CFAP77: variants seen among roughly 807,000 people sequenced by gnomAD.
CFAP77 encodes the protein cilia and flagella associated protein 77.
A neutral mutation model predicts 31.1 loss-of-function variants in CFAP77; 25 were observed. The observed-to-expected ratio is 0.80, with a 90% CI of 0.59 to 1.12. The LOEUF (loss-of-function observed/expected upper bound fraction) is 1.12, where lower values mean the gene tolerates loss of function less well. CFAP77 is among the 50% of genes most tolerant of loss of function. The pLI is 0.00. For synonymous variants in CFAP77, 151 were observed against 159.9 expected, an observed-to-expected ratio of 0.94 and a Z score of 0.42; for missense variants, 377 against 397.3, an observed-to-expected ratio of 0.95 and a Z score of 0.44.
intron 1 of CFAP77, among the ~76,000 whole-genome samples, chr9:132,467,344 C>T (rs1292020505): frequency 6.6e-6 from 1 of 152,116 alleles, no homozygotes. Context: ...AACAACATCT[C>T]CCCATCATCC....
rs1460838242 is a variant in CFAP77 at position 132,545,884 on chromosome 9, T to C, written c.732+2837T>C. Among the ~76,000 whole-genome samples, 1 of 152,082 alleles carries C rather than the reference T, an allele frequency of 6.6e-6. No individual in the cohort carries two copies. Among genetic ancestry groups the C allele is most frequent in the Non-Finnish European group, 1.5e-5 (1 of 67,998 alleles). ...CCTCCCGAGGACCCCTTCCCTCACC[T>C]CCAGGCCCCACCCACAGGTCCCCAT... On this transcript the variant is annotated intron_variant, in intron 5 of 5. Transcript: ENST00000393216. The surrounding 1 kb of genome is among the most constrained non-coding windows in gnomAD (Gnocchi z 4.6).
rs1343401261 is a variant in CFAP77 at position 132,429,250 on chromosome 9, C to T, written c.195+18784C>T. 2.0e-5 allele frequency among the ~76,000 whole-genome samples: 3 copies of T among 151,736 alleles called. No individual in the cohort carries two copies. The East Asian group carries it at 5.8e-4, about 29-fold the overall frequency. On this transcript the variant is annotated intron_variant, in intron 1 of 5. Transcript: ENST00000393216. Reference sequence around the variant, plus strand: ...AGCTACATGAGGGTATCTTTAATGTCTCCTTTCCAGCCAGGCATGGTGTCT... The same window carrying T: ...AGCTACATGAGGGTATCTTTAATGTTTCCTTTCCAGCCAGGCATGGTGTCT...
At chr9:132,425,116 T>C (rs1463431028) in intron 1 of CFAP77, among the ~76,000 whole-genome samples, 1 of 152,178 alleles carries the variant, frequency 6.6e-6, no homozygotes, top group East Asian at 1.9e-4. Context: ...AGCGTGGATG[T>C]TAGATTCGAT....
chr9:132,458,282 G>T (rs1215037825), intron 1 of CFAP77, among the ~76,000 whole-genome samples: 4 of 143,060 alleles, frequency 2.8e-5, no homozygotes, highest in Non-Finnish European at 4.5e-5. Context: ...GCTTACGGTC[G>T]CAGCGACAAG....
At chr9:132,419,528 ATTTACTGGCAGCT>A (rs979210443) in intron 1 of CFAP77, among the ~76,000 whole-genome samples, 1 of 152,184 alleles carries the variant, frequency 6.6e-6, no homozygotes, top group Admixed American at 6.5e-5. Context: ...GAATTAGAAA[ATTTACTGGCAGCT>A]TTATTAGTTA....
rs189084370 is a variant in CFAP77, at chr9:132,537,701, C to A, written c.625C>A (p.Gln209Lys). The A allele has an allele frequency of 6.2e-7, 1 of 1,612,396 alleles. No individual in the cohort carries two copies. The highest frequency in any genetic ancestry group is 1.1e-5 in the South Asian group (1 of 90,810). The change falls in exon 4 of 6, where the codon CAG (glutamine) becomes AAG (lysine). Residue 209 changes from glutamine to lysine, a missense_variant. Transcript: ENST00000393216. ...TQKAIKLEKK[Q>K]KVVLGKLYET... is the part of the protein sequence containing the mutation. Reference sequence around the variant, plus strand: ...GAAAGCCATCAAACTGGAGAAGAAGCAGAAGGTAAATGCAGCCCTCGCTCC... The same window carrying A: ...GAAAGCCATCAAACTGGAGAAGAAGAAGAAGGTAAATGCAGCCCTCGCTCC...
At chr9:132,452,495 G>A (rs1353770366) in intron 1 of CFAP77, among the ~76,000 whole-genome samples, 1 of 152,224 alleles carries the variant, frequency 6.6e-6, no homozygotes, top group African/African-American at 2.4e-5. Context: ...GAAACCACAG[G>A]AGGACCAGTT....
At chr9:132,417,631 T>C (rs1473134897) in intron 1 of CFAP77, among the ~76,000 whole-genome samples, 1 of 152,158 alleles carries the variant, frequency 6.6e-6, no homozygotes, top group Non-Finnish European at 1.5e-5. Context: ...TCCCCTAATT[T>C]AAAATGGAAT....
intron 1 of CFAP77, among the ~76,000 whole-genome samples, chr9:132,411,264 T>TA (rs1025262120): frequency 2.0e-5 from 3 of 152,226 alleles, no homozygotes; most frequent in Admixed American, 6.5e-5. Flanking sequence ...AGTGCGCCTT[T>TA]AAAAATGCGC....
At chr9:132,435,732 C>T (rs56720870) in intron 1 of CFAP77, among the ~76,000 whole-genome samples, 1 of 152,130 alleles carries the variant, frequency 6.6e-6, no homozygotes, top group African/African-American at 2.4e-5. Context: ...AACATGGTAT[C>T]GAATGGTGTC....
intron 1 of CFAP77, among the ~76,000 whole-genome samples, chr9:132,451,927 C>A (rs1012187041): frequency 6.6e-6 from 1 of 151,836 alleles, no homozygotes; most frequent in African/African-American, 2.4e-5. Context: ...GCCTCAGCCT[C>A]CTGAGCAGCT....
intron 5 of CFAP77, among the ~76,000 whole-genome samples, chr9:132,549,193 G>A (rs547420303): frequency 2.0e-5 from 3 of 152,244 alleles, no homozygotes; most frequent in Non-Finnish European, 2.9e-5. Context: ...CCACCCTGCC[G>A]CCTCTGCCTC....
chr9:132,541,459 C>T (rs1852640053), intron 4 of CFAP77, among the ~76,000 whole-genome samples: 1 of 152,242 alleles, frequency 6.6e-6, no homozygotes, highest in South Asian at 2.1e-4. Flanking sequence ...TGTGGTGGCT[C>T]ACGCCTGAAA....
At chr9:132,485,260 T>A (rs149380003) in intron 1 of CFAP77, among the ~76,000 whole-genome samples, 13 of 152,366 alleles carry the variant, frequency 8.5e-5, no homozygotes, top group South Asian at 2.1e-4. Context: ...CCAGGCCCTC[T>A]GCTGACAACT....
intron 1 of CFAP77, among the ~76,000 whole-genome samples, chr9:132,425,453 T>C (rs1850297332): frequency 6.6e-6 from 1 of 152,124 alleles, no homozygotes; most frequent in African/African-American, 2.4e-5. Context: ...GATTACAGTA[T>C]TTAAATGACT....
At chr9:132,540,565 A>G (rs114790707) in intron 4 of CFAP77, among the ~76,000 whole-genome samples, 8 of 152,362 alleles carry the variant, frequency 5.3e-5, no homozygotes, top group Non-Finnish European at 2.9e-5. Context: ...AGAGAAAAGC[A>G]TTCAAATGTC....
chr9:132,446,885 C>T (rs1449094099), intron 1 of CFAP77, among the ~76,000 whole-genome samples: 2 of 151,988 alleles, frequency 1.3e-5, no homozygotes, highest in Non-Finnish European at 2.9e-5. Context: ...GAATCAGTTT[C>T]CCATTTTATT....
In CFAP77 at chr9:132,554,584, G is replaced by A. The variant is rs537046554; in HGVS notation, c.732+11537G>A. On this transcript the variant is annotated intron_variant, in intron 5 of 5. Coordinates refer to ENST00000393216, the MANE Select transcript of CFAP77 (RefSeq NM_001282957.2). The surrounding 1 kb of genome is among the most constrained non-coding windows in gnomAD (Gnocchi z 4.1). Reference sequence around the variant, plus strand: ...ACTCCTGGGCTCAAGAGATCTGCCCGCCTTGGCCTCCCAAAGTGTTAGGAT... The same window carrying A: ...ACTCCTGGGCTCAAGAGATCTGCCCACCTTGGCCTCCCAAAGTGTTAGGAT... Among the ~76,000 whole-genome samples the A allele has an allele frequency of 1.1e-4, 16 of 152,164 alleles. No homozygotes were observed. Among genetic ancestry groups the A allele is most frequent in the African/African-American group, 1.7e-4 (7 of 41,500 alleles).
At chr9:132,561,835 A>G (rs182502754) in intron 5 of CFAP77, among the ~76,000 whole-genome samples, 50 of 152,282 alleles carry the variant, frequency 3.3e-4, no homozygotes, top group African/African-American at 1.1e-3. Flanking sequence ...GGAGGCAGTA[A>G]GAAGGCAAGG....
Sources: allele counts gnomAD v4.1 joint callset (sites outside exome capture counted in the v4.1 genomes callset), GRCh38; gene constraint gnomAD v4.1.1; non-coding constraint Gnocchi (gnomAD v3.1); transcripts MANE v1.5; gene names NCBI Gene and HGNC (gene_info 2026-07-23, HGNC 2026-07-21).